The following MTX2 variants were observed in gnomAD, a reference collection of about 807,000 sequenced individuals.
The protein encoded by MTX2 is metaxin-2.
MTX2 carries 35 observed loss-of-function variants against 42.3 expected under a neutral mutation model. The observed-to-expected ratio is 0.83, with a 90% confidence interval of 0.63 to 1.10. MTX2 has a LOEUF of 1.10. Among genes scored for constraint, MTX2 ranks in the 50% least tolerant of loss-of-function variants. The probability of loss-of-function intolerance (pLI) is 0.00; values close to 1 mark genes in which losing one functional copy is unlikely to be tolerated. For synonymous variants in MTX2, 119 were observed against 100.9 expected, an observed-to-expected ratio of 1.18 and a Z score of -1.08; for missense variants, 307 against 304.1, an observed-to-expected ratio of 1.01 and a Z score of -0.07.
At chr2:176,290,718 T>G (rs1693307339) in intron 1 of MTX2, among the ~76,000 whole-genome samples, 1 of 151,782 alleles carries the variant, frequency 6.6e-6, no homozygotes, top group African/African-American at 2.4e-5. Context: ...GTTTAGGATT[T>G]CAACTTTGGG....
At chr2:176,299,483 G>T (rs1359809328) in intron 3 of MTX2, among the ~76,000 whole-genome samples, 1 of 151,908 alleles carries the variant, frequency 6.6e-6, no homozygotes, top group African/African-American at 2.4e-5. Context: ...AATCATAGTT[G>T]CAATTAAAAA....
chr2:176,300,258 C>A (rs531146014), intron 3 of MTX2, among the ~76,000 whole-genome samples: 1 of 152,112 alleles, frequency 6.6e-6, no homozygotes, highest in East Asian at 1.9e-4. Flanking sequence ...TCTGTTACCC[C>A]CAAATCCAAA....
intron 1 of MTX2, among the ~76,000 whole-genome samples, chr2:176,283,933 T>A (rs1693135837): frequency 6.6e-6 from 1 of 152,150 alleles, no homozygotes; most frequent in Admixed American, 6.5e-5. Flanking sequence ...CATTTTTAGT[T>A]CTGAGAAAAA....
chr2:176,297,172 G>A (rs1648209864), intron 2 of MTX2, among the ~76,000 whole-genome samples: 1 of 152,108 alleles, frequency 6.6e-6, no homozygotes, highest in Non-Finnish European at 1.5e-5. Flanking sequence ...GGAGCAGTTG[G>A]CAGATTTACT....
At chr2:176,287,274 A>G (rs1360705773) in intron 1 of MTX2, among the ~76,000 whole-genome samples, 1 of 152,194 alleles carries the variant, frequency 6.6e-6, no homozygotes, top group Non-Finnish European at 1.5e-5. Context: ...AATGAACGAT[A>G]AAACTGATTT....
chr2:176,281,744 T>C (rs1419557558), intron 1 of MTX2, among the ~76,000 whole-genome samples: 1 of 152,070 alleles, frequency 6.6e-6, no homozygotes, highest in Non-Finnish European at 1.5e-5. Context: ...CACACATGAC[T>C]GAATAGAGGT....
At chr2:176,319,503 AC>A (rs1234474094) in intron 3 of MTX2, among the ~76,000 whole-genome samples, 1 of 146,848 alleles carries the variant, frequency 6.8e-6, no homozygotes, top group African/African-American at 2.5e-5. Context: ...AAGCTATCCT[AC>A]CATAGCTTCC....
intron 8 of MTX2, 23 bp from the exon 9 acceptor site, chr2:176,330,561 T>C (rs767340966): frequency 1.3e-6 from 2 of 1,507,630 alleles, no homozygotes; most frequent in South Asian, 1.4e-5. Context: ...ATACTTTTCC[T>C]TGGGGTTCAT....
At chr2:176,314,127 G>A (rs1296799755) in intron 3 of MTX2, among the ~76,000 whole-genome samples, 2 of 151,498 alleles carry the variant, frequency 1.3e-5, no homozygotes, top group African/African-American at 2.4e-5. Flanking sequence ...TCCCTTACTC[G>A]TGTCAGAAAC....
chr2:176,294,273 A>T (rs1366385813), intron 1 of MTX2, among the ~76,000 whole-genome samples: 1 of 148,116 alleles, frequency 6.8e-6, no homozygotes, highest in African/African-American at 2.5e-5. Flanking sequence ...GTGATGATGA[A>T]TTAACTTTTT....
intron 1 of MTX2, among the ~76,000 whole-genome samples, chr2:176,276,407 A>G (rs946081909): frequency 6.6e-6 from 1 of 152,236 alleles, no homozygotes; most frequent in African/African-American, 2.4e-5. Context: ...TATATACGTA[A>G]TTGCTAATAA....
intron 3 of MTX2, among the ~76,000 whole-genome samples, chr2:176,311,406 C>T (rs1684302011): frequency 6.6e-6 from 1 of 152,228 alleles, no homozygotes; most frequent in Non-Finnish European, 1.5e-5. Flanking sequence ...AGCTCAAACG[C>T]TGTGGTGGGA....
chr2:176,272,019 G>C (rs1692824906), intron 1 of MTX2, among the ~76,000 whole-genome samples: 1 of 151,984 alleles, frequency 6.6e-6, no homozygotes, highest in African/African-American at 2.4e-5. Context: ...GTGGATGAAT[G>C]GATAAAGAAA....
chr2:176,296,179 C>T (rs1199324735), intron 1 of MTX2, among the ~76,000 whole-genome samples: 1 of 152,116 alleles, frequency 6.6e-6, no homozygotes, highest in African/African-American at 2.4e-5. Context: ...AGTCAAGTTT[C>T]ATTTCAGGCC....
rs1312858274 is a variant in MTX2 at position 176,280,175 on chromosome 2, G to A, written c.40+10506G>A. Among the ~76,000 whole-genome samples, 5 of 152,318 alleles carry A rather than the reference G, an allele frequency of 3.3e-5. No individual in the cohort carries two copies. In the South Asian group the frequency reaches 8.3e-4, roughly 25 times the overall value. ...GGACTAGAGGCCAGGGAGTCAGGGT[G>A]ATGTGGTCAGCAAATTGGAGATATA... On this transcript the variant is annotated intron_variant, in intron 1 of 9. Coordinates refer to ENST00000249442, the MANE Select transcript of MTX2 (RefSeq NM_006554.5).
chr2:176,329,770 T>C (rs1156505029), intron 8 of MTX2, among the ~76,000 whole-genome samples: 9 of 143,952 alleles, frequency 6.3e-5, no homozygotes, highest in African/African-American at 2.3e-4. Flanking sequence ...ACCTGAGGGT[T>C]TTTTTTTTTT....
chr2:176,334,064 G>A (rs1684930115), intron 9 of MTX2, among the ~76,000 whole-genome samples: 2 of 151,760 alleles, frequency 1.3e-5, no homozygotes, highest in Admixed American at 1.3e-4. Flanking sequence ...CAAAGTTGCT[G>A]TCTTTATGTA....
intron 1 of MTX2, among the ~76,000 whole-genome samples, chr2:176,278,283 T>C (rs1227459990): frequency 6.6e-6 from 1 of 152,010 alleles, no homozygotes; most frequent in East Asian, 1.9e-4. Context: ...ACTGCTGACC[T>C]TATGTGATCT....
At chr2:176,288,950 C>T (rs927195287) in intron 1 of MTX2, among the ~76,000 whole-genome samples, 2 of 151,488 alleles carry the variant, frequency 1.3e-5, no homozygotes, top group East Asian at 1.9e-4. Context: ...CTTTGAAATA[C>T]GTTGATTTGA....
Sources: gnomAD v4.1 joint callset for allele counts (sites outside exome capture counted in the v4.1 genomes callset) on GRCh38, gnomAD v4.1.1 for gene constraint, MANE v1.5 for transcripts, NCBI Gene and HGNC (gene_info 2026-07-23, HGNC 2026-07-21) for gene names.